Variants in VPS33B observed in about 807,000 individuals in gnomAD.
VPS33B encodes the protein VPS33B late endosome and lysosome associated, also known as vacuolar protein sorting-associated protein 33B.
A neutral mutation model predicts 95.3 loss-of-function variants in VPS33B; 80 were observed. The ratio of observed to expected loss-of-function variants is 0.84; its 90% confidence interval spans 0.70 to 1.01. The LOEUF (loss-of-function observed/expected upper bound fraction) is 1.01. Ranked by LOEUF, VPS33B falls within the 50% of genes least tolerant of loss-of-function variation. The probability of loss-of-function intolerance (pLI) is 0.00; values close to 1 mark genes in which losing one functional copy is unlikely to be tolerated. For synonymous variants in VPS33B, 280 were observed against 280.4 expected, an observed-to-expected ratio of 1.00 and a Z score of 0.01; for missense variants, 715 against 773.4, an observed-to-expected ratio of 0.92 and a Z score of 0.90.
At position 91,022,257 on chromosome 15, in the gene VPS33B, G is replaced by A. The variant is rs11542639; in HGVS notation, c.-8C>T. 2.5e-3 allele frequency: 3,931 copies of A among 1,555,120 alleles called. 40 individuals carry two copies. The African/African-American group carries it at 0.035, about 14-fold the overall frequency. ...CCGATGGGGAAAAGCCATGGCAGCG[G>A]TCACCTGCGCCGCGGGGTGGAAGGA... On this transcript the variant is annotated 5_prime_UTR_variant, in exon 1 of 23. Transcript: ENST00000333371.
At chr15:91,017,246 G>A (rs1057446211) in intron 2 of VPS33B, among the ~76,000 whole-genome samples, 9 of 150,472 alleles carry the variant, frequency 6.0e-5, no homozygotes, top group African/African-American at 2.2e-4. Flanking sequence ...GTATGGGCCA[G>A]GTGTGGTGGC....
Position 91,006,732 on chromosome 15 carries a change from GA to G in VPS33B, c.701-4del. ...AAGTGCTGTCACAAAGTCCACATCT[GA>G]AACAGAGATCCCTGACCATGAAGGT... On this transcript the variant is annotated splice_region_variant and splice_polypyrimidine_tract_variant and intron_variant, in intron 9 of 22. Coordinates refer to ENST00000333371, the MANE Select transcript of VPS33B (RefSeq NM_018668.5). The surrounding 1 kb of genome is among the most constrained non-coding windows in gnomAD (Gnocchi z 5.4). 2 of 1,614,052 alleles carry G rather than the reference GA, an allele frequency of 1.2e-6. No homozygotes were observed. Among genetic ancestry groups the G allele is most frequent in the African/African-American group, 2.7e-5 (2 of 74,916 alleles).
intron 5 of VPS33B, among the ~76,000 whole-genome samples, chr15:91,012,085 G>GA (rs1555459757): frequency 2.0e-5 from 3 of 150,598 alleles, no homozygotes; most frequent in African/African-American, 4.9e-5. Context: ...AAAAAAAAAG[G>GA]TTTGTAAGAG....
rs1555458419 is a variant in VPS33B, at chr15:91,002,650, AAG to A, written c.1272+433_1272+434del. Among the ~76,000 whole-genome samples the A allele has an allele frequency of 2.0e-5, 3 of 151,560 alleles. No individual in the cohort carries two copies. Among genetic ancestry groups the A allele is most frequent in the East Asian group, 1.9e-4 (1 of 5,168 alleles). On this transcript the variant is annotated intron_variant, in intron 17 of 22. Transcript: ENST00000333371. The surrounding 1 kb of genome is among the most constrained non-coding windows in gnomAD (Gnocchi z 4.7). Reference sequence around the variant, plus strand: ...GTCTCGAAATAAAAAAAAAAAAAAAAAGAAAAGAAATAATTAGCACCAAACAA... The same window carrying A: ...GTCTCGAAATAAAAAAAAAAAAAAAAAAAAGAAATAATTAGCACCAAACAA...
Position 91,005,323 on chromosome 15 carries a change from C to A in VPS33B, c.1105+57G>T, listed in dbSNP as rs1388320756. On this transcript the variant is annotated intron_variant, in intron 14 of 22. Transcript: ENST00000333371. This position sits in a 1 kb window ranked among gnomAD's most constrained non-coding sequence, Gnocchi z 6.4. The stretch of plus-strand genomic sequence containing the variant: ...AACATCTTTTAAGGGTGGGACGGGG[C>A]TGGGAGCTGGGGAAGTAGAAGCGTG... The A allele has an allele frequency of 1.9e-6, 3 of 1,608,188 alleles. No homozygotes were observed. Among genetic ancestry groups the A allele is most frequent in the Non-Finnish European group, 2.6e-6 (3 of 1,175,218 alleles).
Position 91,015,651 on chromosome 15 carries a change from C to G in VPS33B, c.240-1218G>C, listed in dbSNP as rs750832564. ...CCAACCTGGGTGACAGAGTTAGACT[C>G]CTACTCAAAAAAATAAAATAAAATA... On this transcript the variant is annotated intron_variant, in intron 3 of 22. Coordinates refer to ENST00000333371, the MANE Select transcript of VPS33B (RefSeq NM_018668.5). The surrounding 1 kb of genome is among the most constrained non-coding windows in gnomAD (Gnocchi z 4.7). Among the ~76,000 whole-genome samples, 11 of 151,938 alleles carry G rather than the reference C, an allele frequency of 7.2e-5. No homozygotes were observed. The highest frequency in any genetic ancestry group is 1.5e-4 in the Non-Finnish European group (10 of 67,952).
Position 91,006,865 on chromosome 15 carries a change from T to G in VPS33B, c.700+85A>C. 1 of 1,601,222 alleles carries G rather than the reference T, an allele frequency of 6.2e-7. No homozygotes were observed. Among genetic ancestry groups the G allele is most frequent in the African/African-American group, 1.3e-5 (1 of 74,742 alleles). On this transcript the variant is annotated intron_variant, in intron 9 of 22. Transcript: ENST00000333371. The surrounding 1 kb of genome is among the most constrained non-coding windows in gnomAD (Gnocchi z 5.4). ...AAGCTGGGATTCACAGCCCTAACTTTAGGATTTTAACTTTGCCACCACGCC... is the reference window on the plus strand; with the variant it reads ...AAGCTGGGATTCACAGCCCTAACTTGAGGATTTTAACTTTGCCACCACGCC...
chr15:91,021,248 CAT>C (rs1471594559), intron 1 of VPS33B, among the ~76,000 whole-genome samples: 1 of 152,174 alleles, frequency 6.6e-6, no homozygotes, highest in African/African-American at 2.4e-5. Flanking sequence ...GGAATACAGA[CAT>C]AAAATGAATA....
At position 90,999,061 on chromosome 15, in the gene VPS33B, A is replaced by G. The variant is rs544401242; in HGVS notation, c.1775-7T>C. On this transcript the variant is annotated splice_region_variant and splice_polypyrimidine_tract_variant and intron_variant, in intron 22 of 22. Coordinates refer to ENST00000333371, the MANE Select transcript of VPS33B (RefSeq NM_018668.5). This position sits in a 1 kb window ranked among gnomAD's most constrained non-coding sequence, Gnocchi z 5.1. The stretch of plus-strand genomic sequence containing the variant: ...AGGAAAATGAACCTGTAGCCTAAGG[A>G]GTCAAATGCAGCAGCAGAAGAGACA... The G allele has an allele frequency of 3.8e-5, 61 of 1,613,952 alleles. No individual in the cohort carries two copies. In the Admixed American group the frequency reaches 1.0e-3, roughly 27 times the overall value.
intron 1 of VPS33B, among the ~76,000 whole-genome samples, chr15:91,019,114 GTTTTTTT>G (rs368381850): frequency 4.6e-5 from 4 of 87,778 alleles, no homozygotes; most frequent in Admixed American, 1.6e-4. Flanking sequence ...CTCCTGGCCT[GTTTTTTT>G]TTTTTTTTTT....
chr15:91,017,122 T>C (rs573223125), intron 2 of VPS33B, 98 bp from the exon 3 acceptor site: 8 of 1,105,248 alleles, frequency 7.2e-6, no homozygotes, highest in South Asian at 6.2e-5. Flanking sequence ...TTCCTAATTA[T>C]GCTAATTATT....
chr15:91,005,313 T>C lies in VPS33B; in HGVS notation c.1105+67A>G. The C allele has an allele frequency of 6.2e-7, 1 of 1,605,108 alleles. No individual in the cohort carries two copies. The highest frequency in any genetic ancestry group is 1.7e-4 in the Middle Eastern group (1 of 5,914). On this transcript the variant is annotated intron_variant, in intron 14 of 22. Transcript: ENST00000333371. This position sits in a 1 kb window ranked among gnomAD's most constrained non-coding sequence, Gnocchi z 6.4. ...AGAGCCAGAGAACATCTTTTAAGGG[T>C]GGGACGGGGCTGGGAGCTGGGGAAG... is the stretch of plus-strand genomic sequence containing the variant.
At position 91,006,013 on chromosome 15, in the gene VPS33B, A is replaced by G. The variant is rs764822607; in HGVS notation, c.899T>C (p.Phe300Ser). The change falls in exon 12 of 23, where the codon TTC (phenylalanine) becomes TCC (serine). Residue 300 changes from phenylalanine to serine, a missense_variant. Coordinates refer to ENST00000333371, the MANE Select transcript of VPS33B (RefSeq NM_018668.5). The surrounding 1 kb of genome is among the most constrained non-coding windows in gnomAD (Gnocchi z 5.4). ...RNEHFSNVFG[F>S]LSQKARNLQA... ...CAAGTTCCGGGCCTTCTGGCTCAAG[A>G]AGCCAAAGACATTGGAGAAGTGCTC... The G allele has an allele frequency of 8.1e-6, 13 of 1,614,200 alleles. No homozygotes were observed. The highest frequency in any genetic ancestry group is 1.1e-5 in the South Asian group (1 of 91,088).
chr15:91,007,483 C>G lies in VPS33B; in HGVS notation c.589G>C (p.Gly197Arg). 1 of 1,614,214 alleles carries G rather than the reference C, an allele frequency of 6.2e-7. No homozygotes were observed. Among genetic ancestry groups the G allele is most frequent in the Non-Finnish European group, 8.5e-7 (1 of 1,180,036 alleles). Reference protein sequence around the residue: ...YGPFPNCYGIGRCAKMAYELW... With the variant: ...YGPFPNCYGIRRCAKMAYELW... The stretch of plus-strand genomic sequence containing the variant: ...AGTGCTCTTACCTTGGCGCACCTGC[C>G]AATTCCATAGCAGTTTGGAAAGGGT... Residue 197 changes from glycine to arginine, a missense_variant, in exon 8 of 23, where the codon GGC becomes CGC. By Grantham distance (125) the Gly-to-Arg change is moderately radical. Coordinates refer to ENST00000333371, the MANE Select transcript of VPS33B (RefSeq NM_018668.5). This position sits in a 1 kb window ranked among gnomAD's most constrained non-coding sequence, Gnocchi z 5.3.
chr15:91,009,452 G>A lies in VPS33B; in HGVS notation c.403+349C>T, dbSNP rs1009276778. Reference sequence around the variant, plus strand: ...CTCCCGAGTAGCTGGGATTACAAGCGTGCGCCATCACGCCCAGCTAATTAT... The same window carrying A: ...CTCCCGAGTAGCTGGGATTACAAGCATGCGCCATCACGCCCAGCTAATTAT... On this transcript the variant is annotated intron_variant, in intron 6 of 22. Coordinates refer to ENST00000333371, the MANE Select transcript of VPS33B (RefSeq NM_018668.5). This position sits in a 1 kb window ranked among gnomAD's most constrained non-coding sequence, Gnocchi z 4.1. Among the ~76,000 whole-genome samples the A allele has an allele frequency of 1.3e-5, 2 of 151,782 alleles. No homozygotes were observed. The highest frequency in any genetic ancestry group is 2.1e-4 in the South Asian group (1 of 4,798).
In VPS33B at chr15:91,005,477, T is replaced by A; in HGVS notation, c.1031-23A>T. On this transcript the variant is annotated intron_variant, in intron 13 of 22. Coordinates refer to ENST00000333371, the MANE Select transcript of VPS33B (RefSeq NM_018668.5). This position sits in a 1 kb window ranked among gnomAD's most constrained non-coding sequence, Gnocchi z 6.4. The stretch of plus-strand genomic sequence containing the variant: ...TATCTGCAGGTTGGACAAAGGGAGC[T>A]GACATACTCCTGGTTCTAGAAAGAT... The A allele has an allele frequency of 6.2e-7, 1 of 1,613,788 alleles. No individual in the cohort carries two copies. The highest frequency in any genetic ancestry group is 1.1e-5 in the South Asian group (1 of 91,082).
intron 18 of VPS33B, among the ~76,000 whole-genome samples, chr15:91,001,665 G>C (rs1203564210): frequency 6.6e-6 from 1 of 152,094 alleles, no homozygotes; most frequent in Non-Finnish European, 1.5e-5. Flanking sequence ...CGGGGTACCA[G>C]CTCTCTACTA....
chr15:91,008,989 G>A (rs1313051778), intron 6 of VPS33B, among the ~76,000 whole-genome samples: 3 of 152,290 alleles, frequency 2.0e-5, no homozygotes, highest in East Asian at 3.9e-4. Flanking sequence ...AATGGGACAG[G>A]AGGGGCCAGA....
intron 3 of VPS33B, among the ~76,000 whole-genome samples, 152 bp downstream of exon 3, chr15:91,016,806 GAAAAC>G (rs548902821): frequency 6.6e-6 from 1 of 152,158 alleles, no homozygotes; most frequent in Non-Finnish European, 1.5e-5. Flanking sequence ...GGAAACTACA[GAAAAC>G]AAAACAAAAC....
Sources: gnomAD v4.1 joint callset for allele counts (sites outside exome capture counted in the v4.1 genomes callset) on GRCh38, gnomAD v4.1.1 for gene constraint, Gnocchi (gnomAD v3.1) non-coding constraint, MANE v1.5 for transcripts, NCBI Gene and HGNC (gene_info 2026-07-23, HGNC 2026-07-21) for gene names.